VGLL4: variants seen among roughly 807,000 people sequenced by gnomAD.
The protein encoded by VGLL4 is transcription cofactor vestigial-like protein 4.
A neutral mutation model predicts 21.0 loss-of-function variants in VGLL4; 7 were observed. The ratio of observed to expected loss-of-function variants is 0.33; its 90% CI spans 0.19 to 0.63. The LOEUF (loss-of-function observed/expected upper bound fraction) is 0.63. VGLL4 is among the 20% of genes least tolerant of loss of function. The pLI, the probability that VGLL4 is intolerant of heterozygous loss-of-function variation, is 0.78. For synonymous variants in VGLL4, 222 were observed against 173.2 expected (o/e 1.28, Z -2.21); for missense variants, 394 against 425.7 (o/e 0.93, Z 0.66).
chr3:11,576,774 G>A (rs1049886335), intron 2 of VGLL4, among the ~76,000 whole-genome samples: 6 of 152,234 alleles, frequency 3.9e-5, no homozygotes, highest in African/African-American at 1.4e-4. Context: ...TTCCTGTGCT[G>A]GAAAAGTGGA....
intron 1 of VGLL4, among the ~76,000 whole-genome samples, chr3:11,621,329 T>C (rs926888897): frequency 3.3e-5 from 5 of 152,166 alleles, no homozygotes; most frequent in African/African-American, 1.2e-4. Context: ...TCACTCCCCA[T>C]ATTCTCCTCT....
At chr3:11,612,240 A>T (rs1031280779) in intron 1 of VGLL4, 2 of 152,132 alleles carry the variant, frequency 1.3e-5, no homozygotes, top group Non-Finnish European at 2.9e-5. Context: ...GCTTAAAATC[A>T]TTTTATTATC....
intron 2 of VGLL4, among the ~76,000 whole-genome samples, chr3:11,678,007 C>T (rs898874850): frequency 3.3e-5 from 5 of 151,908 alleles, no homozygotes; most frequent in Admixed American, 6.6e-5. Context: ...CTTCAACGGA[C>T]GCCATCATTC....
At chr3:11,632,009 A>AT (rs1206681422) in intron 1 of VGLL4, among the ~76,000 whole-genome samples, 3 of 152,084 alleles carry the variant, frequency 2.0e-5, no homozygotes, top group Admixed American at 1.3e-4. Flanking sequence ...TAATCCATCA[A>AT]TTTCTTAAGC....
At chr3:11,644,340 A>G (rs578102423), upstream of VGLL4, among the ~76,000 whole-genome samples, 13 of 152,252 alleles carry the variant, frequency 8.5e-5, no homozygotes, top group African/African-American at 3.1e-4. Context: ...TATAATATCC[A>G]TTTACACTTT....
intron 1 of VGLL4, among the ~76,000 whole-genome samples, chr3:11,635,811 T>G (rs1342904643): frequency 2.0e-5 from 3 of 152,248 alleles, no homozygotes; most frequent in Non-Finnish European, 4.4e-5. Flanking sequence ...ACAGCTATTT[T>G]CCATTCCCTT....
intron 2 of VGLL4, among the ~76,000 whole-genome samples, chr3:11,666,085 C>T (rs978488715): frequency 1.3e-4 from 19 of 151,930 alleles, no homozygotes; most frequent in Non-Finnish European, 2.6e-4. Context: ...CCCGTCTCTA[C>T]TAAAAATACA....
intron 2 of VGLL4, among the ~76,000 whole-genome samples, chr3:11,566,404 C>G (rs1486308156): frequency 3.9e-5 from 6 of 152,228 alleles, no homozygotes; most frequent in Non-Finnish European, 1.5e-5. Flanking sequence ...GAGACAACTA[C>G]CAACCTTATT....
At chr3:11,686,045 G>A (rs901996923) in intron 2 of VGLL4, among the ~76,000 whole-genome samples, 1 of 152,158 alleles carries the variant, frequency 6.6e-6, no homozygotes, top group African/African-American at 2.4e-5. Flanking sequence ...AACAAATGTT[G>A]GTGAGGATGT....
chr3:11,721,593 C>T (rs1335316305), upstream of VGLL4, among the ~76,000 whole-genome samples: 5 of 152,250 alleles, frequency 3.3e-5, no homozygotes, highest in East Asian at 1.9e-4. Context: ...TCAGTAGTCT[C>T]GGACTAGGAA....
At chr3:11,623,000 T>G (rs746824326) in intron 1 of VGLL4, among the ~76,000 whole-genome samples, 2 of 152,198 alleles carry the variant, frequency 1.3e-5, no homozygotes, top group Non-Finnish European at 2.9e-5. Flanking sequence ...ATATCTTAAA[T>G]AGCTGAGGTA....
At chr3:11,586,454 A>G (rs187861250) in intron 2 of VGLL4, among the ~76,000 whole-genome samples, 28 of 152,370 alleles carry the variant, frequency 1.8e-4, no homozygotes, top group African/African-American at 6.7e-4. Context: ...ACTGCCCTCC[A>G]TATCCTCAAG....
upstream of VGLL4, among the ~76,000 whole-genome samples, chr3:11,647,385 G>A (rs984167601): frequency 2.7e-5 from 4 of 150,488 alleles, no homozygotes; most frequent in South Asian, 8.3e-4. Flanking sequence ...ATCTCCCTAC[G>A]ATCCCATCCT....
chr3:11,567,936 G>C (rs2073611554), intron 2 of VGLL4, among the ~76,000 whole-genome samples: 1 of 152,224 alleles, frequency 6.6e-6, no homozygotes, highest in African/African-American at 2.4e-5. Context: ...TCATGTCCCA[G>C]ATTCAGGAGA....
At chr3:11,632,514 GA>G (rs949493550) in intron 1 of VGLL4, among the ~76,000 whole-genome samples, 1 of 151,934 alleles carries the variant, frequency 6.6e-6, no homozygotes, top group Non-Finnish European at 1.5e-5. Flanking sequence ...ACAGATCAAG[GA>G]AAAAAATCCC....
chr3:11,665,619 GA>G (rs2076110870), intron 2 of VGLL4, among the ~76,000 whole-genome samples: 1 of 152,252 alleles, frequency 6.6e-6, no homozygotes, highest in Non-Finnish European at 1.5e-5. Context: ...GCCAAGTCCT[GA>G]CCATGCCTGA....
intron 1 of VGLL4, among the ~76,000 whole-genome samples, chr3:11,638,251 C>CGCAGACAATAGGGA (rs1360288433): frequency 6.6e-6 from 1 of 152,082 alleles, no homozygotes; most frequent in Non-Finnish European, 1.5e-5. Flanking sequence ...TACAAGGCCA[C>CGCAGACAATAGGGA]GCAGACAATA....
intron 2 of VGLL4, among the ~76,000 whole-genome samples, chr3:11,584,009 T>TA (rs1293784995): frequency 6.6e-6 from 1 of 152,238 alleles, no homozygotes; most frequent in African/African-American, 2.4e-5. Flanking sequence ...GGCCAGGTGT[T>TA]ACACAATACA....
chr3:11,669,009 A>C (rs571220887), intron 2 of VGLL4, among the ~76,000 whole-genome samples: 4 of 152,366 alleles, frequency 2.6e-5, no homozygotes, highest in African/African-American at 9.6e-5. Context: ...CCTCTAACAC[A>C]GCAAAGGCTG....
Sources: gnomAD v4.1 joint callset for allele counts (sites outside exome capture counted in the v4.1 genomes callset) on GRCh38, gnomAD v4.1.1 for gene constraint, MANE v1.5 for transcripts, NCBI Gene and HGNC (gene_info 2026-07-23, HGNC 2026-07-21) for gene names.